Variants in TANGO2 observed in about 807,000 individuals in gnomAD.
The protein encoded by TANGO2 is transport and golgi organization 2 homolog, also known as transport and Golgi organization protein 2 homolog.
TANGO2 carries 26 observed loss-of-function variants against 39.1 expected under a neutral mutation model. The observed-to-expected ratio is 0.67, with a 90% CI of 0.49 to 0.92. The LOEUF (loss-of-function observed/expected upper bound fraction) is 0.92, where lower values mean the gene tolerates loss of function less well. Ranked by LOEUF, TANGO2 falls within the 40% of genes least tolerant of loss-of-function variation. The pLI is 0.00. For synonymous variants in TANGO2, 131 were observed against 144.5 expected, an observed-to-expected ratio of 0.91 and a Z score of 0.67; for missense variants, 326 against 360.1, an observed-to-expected ratio of 0.91 and a Z score of 0.77.
intron 3 of TANGO2, among the ~76,000 whole-genome samples, chr22:20,046,692 C>T (rs1172695667): frequency 1.3e-5 from 2 of 151,988 alleles, no homozygotes; most frequent in Admixed American, 6.6e-5. Flanking sequence ...ATGTGCAGAA[C>T]GTGCAGGTTT....
chr22:20,063,368 G>C lies in TANGO2; in HGVS notation c.636G>C (p.Gln212His). ...AQLPDPAIEDQGGEYVQPMLS... is the reference protein window; with the variant it reads ...AQLPDPAIEDHGGEYVQPMLS... ...TGCCAGACCCGGCCATCGAGGACCA[G>C]GGTGGGGAGTACGTGCAGCCCATGC... is the stretch of plus-strand genomic sequence containing the variant. The change falls in exon 8 of 9, where the codon CAG (glutamine) becomes CAC (histidine). Residue 212 changes from glutamine to histidine, a missense_variant. Transcript: ENST00000327374. 1.2e-6 allele frequency: 2 copies of C among 1,613,560 alleles called. No individual in the cohort carries two copies. The highest frequency in any genetic ancestry group is 1.7e-6 in the Non-Finnish European group (2 of 1,179,914).
At chr22:20,042,842 C>T (rs556599690) in intron 2 of TANGO2, among the ~76,000 whole-genome samples, 1 of 152,110 alleles carries the variant, frequency 6.6e-6, no homozygotes, top group Non-Finnish European at 1.5e-5. Flanking sequence ...GTGAAGTTCC[C>T]ATCCACTCCC....
intron 8 of TANGO2, among the ~76,000 whole-genome samples, chr22:20,063,952 ATG>A (rs2048849526): frequency 6.6e-6 from 1 of 152,228 alleles, no homozygotes; most frequent in Non-Finnish European, 1.5e-5. Flanking sequence ...TGCACTGCGT[ATG>A]TGTCTGCCCT....
intron 6 of TANGO2, among the ~76,000 whole-genome samples, chr22:20,060,820 G>A (rs956774270): frequency 2.6e-5 from 4 of 152,118 alleles, no homozygotes; most frequent in African/African-American, 7.2e-5. Context: ...GGGGTGCTTG[G>A]CTCCCATCAA....
chr22:20,037,059 A>G lies in TANGO2; in HGVS notation c.56+205A>G, dbSNP rs1172996183. 3.9e-6 allele frequency: 6 copies of G among 1,536,934 alleles called. No individual in the cohort carries two copies. The Admixed American group carries it at 6.1e-5, about 16-fold the overall frequency. ...GGGCGGGGACTCCAGTCAATGTACA[A>G]AGACGTGAAGACTCAGCCACAGAAG... On this transcript the variant is annotated intron_variant, in intron 2 of 8. Transcript: ENST00000327374.
rs760333096 is a variant in TANGO2 at position 20,055,969 on chromosome 22, A to G, written c.407A>G (p.Tyr136Cys). Reference sequence around the variant, plus strand: ...ACAGCAAAGGGAGACGTCATTTGCTACTATGGGAACCGAGGGGAGCCTGAT... The same window carrying G: ...ACAGCAAAGGGAGACGTCATTTGCTGCTATGGGAACCGAGGGGAGCCTGAT... ...LSTAKGDVICYYGNRGEPDPI... is the reference protein window; with the variant it reads ...LSTAKGDVICCYGNRGEPDPI... Residue 136 changes from tyrosine (Y) to cysteine (C), a missense_variant, in exon 6 of 9, where the codon TAC becomes TGC. Coordinates refer to ENST00000327374, the MANE Select transcript of TANGO2 (RefSeq NM_152906.7). 134 of 1,613,990 alleles carry G rather than the reference A, an allele frequency of 8.3e-5. No individual in the cohort carries two copies. Among genetic ancestry groups the G allele is most frequent in the Admixed American group, 1.7e-4 (10 of 60,008 alleles).
chr22:20,050,375 T>G (rs1602202303), intron 3 of TANGO2, among the ~76,000 whole-genome samples: 1 of 146,030 alleles, frequency 6.8e-6, no homozygotes, highest in Non-Finnish European at 1.5e-5. Context: ...TTTTTTTTTT[T>G]TTTTTTGAGA....
rs772109673 is a variant in TANGO2 at position 20,061,614 on chromosome 22, A to T, written c.536A>T (p.Glu179Val). 1 of 1,582,994 alleles carries T rather than the reference A, an allele frequency of 6.3e-7. No homozygotes were observed. The highest frequency in any genetic ancestry group is 1.8e-5 in the Admixed American group (1 of 55,082). Residue 179 changes from glutamate to valine, a missense_variant, in exon 7 of 9, where the codon GAA becomes GTA. By Grantham distance (121) the Glu-to-Val change is moderately radical. Transcript: ENST00000327374. ...AAGCAGCTCTTCCTGGAGGCTGTGG[A>T]ACGGAGCCAGGCGCTGCCCAAGGAT... is the stretch of plus-strand genomic sequence containing the variant. ...FGKQLFLEAV[E>V]RSQALPKDVL...
At position 20,063,435 on chromosome 22, in the gene TANGO2, G is replaced by T. The variant is rs771969240; in HGVS notation, c.703G>T (p.Gly235Cys). 6.2e-7 allele frequency: 1 copy of T among 1,612,298 alleles called. No individual in the cohort carries two copies. Among genetic ancestry groups the T allele is most frequent in the South Asian group, 1.1e-5 (1 of 91,012 alleles). Reference protein sequence around the residue: ...AAVCVRCPGYGTRTNTIILVD... With the variant: ...AAVCVRCPGYCTRTNTIILVD... ...TGTGTGCGTGCGCTGCCCTGGCTAC[G>T]GCACCAGGTATTGCAGCACCGTGGG... The change falls in exon 8 of 9, where the codon GGC becomes TGC. Residue 235 changes from glycine to cysteine, a missense_variant. Gly to Cys is a radical substitution (Grantham distance 159, BLOSUM62 -3). Transcript: ENST00000327374.
At chr22:20,063,105 A>G (rs2147833804) in intron 7 of TANGO2, 1 of 471,170 alleles carries the variant, frequency 2.1e-6, no homozygotes, top group Non-Finnish European at 3.8e-6. Context: ...GCAGTGAGCC[A>G]AGATCGTACC....
chr22:20,066,073 A>C lies in TANGO2; in HGVS notation c.*1411A>C, dbSNP rs541979994. 2.0e-5 allele frequency: 3 copies of C among 152,326 alleles called. No homozygotes were observed. The highest frequency in any genetic ancestry group is 7.2e-5 in the African/African-American group (3 of 41,498). The allele number at this position is 152,326 out of a possible 1,614,324, so 9.4% of individuals were successfully genotyped here. A position where few individuals can be genotyped will look rare whatever the true frequency, so the allele number is the denominator to read the frequency against. On this transcript the variant is annotated 3_prime_UTR_variant, in exon 9 of 9. Coordinates refer to ENST00000327374, the MANE Select transcript of TANGO2 (RefSeq NM_152906.7). ...CATGTGGATGCCTGTGGGTCAGTCCATCTGTCCATGGGCAGGGGCCGCTGT... is the reference window on the plus strand; with the variant it reads ...CATGTGGATGCCTGTGGGTCAGTCCCTCTGTCCATGGGCAGGGGCCGCTGT...
chr22:20,055,868 C>A, intron 5 of TANGO2, 75 bp from the exon 6 acceptor site: 2 of 1,315,004 alleles, frequency 1.5e-6, no homozygotes, highest in Non-Finnish European at 2.2e-6. Context: ...AGAAACAGGG[C>A]TGTGAGATCA....
At chr22:20,052,617 A>C (rs777202852) in intron 4 of TANGO2, 33 bp downstream of exon 4, 12 of 768,186 alleles carry the variant, frequency 1.6e-5, no homozygotes, top group Admixed American at 2.5e-5. Flanking sequence ...AAGGTGAGAC[A>C]GGGTGGGGTG....
chr22:20,018,927 C>CA (rs1207840521), upstream of TANGO2, among the ~76,000 whole-genome samples: 5 of 151,842 alleles, frequency 3.3e-5, no homozygotes, highest in East Asian at 9.7e-4. Context: ...TAAAAGAATA[C>CA]AAAAAAAAGT....
chr22:20,031,533 G>A lies in TANGO2; in HGVS notation c.-39-5227G>A, dbSNP rs192860941. Among the ~76,000 whole-genome samples, 480 of 152,250 alleles carry A rather than the reference G, an allele frequency of 3.2e-3. 1 individual carries two copies. The highest frequency in any genetic ancestry group is 0.011 in the African/African-American group (451 of 41,544). ...GGCTCCTCTCGACTGCTGCCCACAC[G>A]GCCTCCTGTTGTCAGCCTGGGCTAC... On this transcript the variant is annotated intron_variant, in intron 1 of 8. Transcript: ENST00000327374.
chr22:20,026,197 A>C (rs1162641446), intron 1 of TANGO2, among the ~76,000 whole-genome samples: 4 of 152,226 alleles, frequency 2.6e-5, no homozygotes, highest in Non-Finnish European at 5.9e-5. Context: ...CAGGAGTTCA[A>C]GACCAGCCTG....
intron 1 of TANGO2, among the ~76,000 whole-genome samples, chr22:20,023,501 G>C (rs551154567): frequency 8.8e-4 from 134 of 152,306 alleles, no homozygotes; most frequent in South Asian, 6.8e-3. Context: ...CTGGTGTGAG[G>C]CTGAAGAAAT....
intron 3 of TANGO2, among the ~76,000 whole-genome samples, chr22:20,051,346 A>G (rs2046315365): frequency 6.6e-6 from 1 of 151,614 alleles, no homozygotes; most frequent in African/African-American, 2.4e-5. Context: ...AGCCTGGCCA[A>G]CATGGAGAAA....
intron 2 of TANGO2, among the ~76,000 whole-genome samples, chr22:20,038,920 A>G (rs985587521): frequency 7.4e-5 from 3 of 40,810 alleles, no homozygotes; most frequent in Non-Finnish European, 1.4e-4. Flanking sequence ...GCTTTAGGCC[A>G]CTATGTTTTT....
Sources: gnomAD v4.1 joint callset for allele counts (sites outside exome capture counted in the v4.1 genomes callset) on GRCh38, gnomAD v4.1.1 for gene constraint, MANE v1.5 for transcripts, NCBI Gene and HGNC (gene_info 2026-07-23, HGNC 2026-07-21) for gene names.